Variants in VWA8 observed in about 807,000 individuals in gnomAD.
VWA8 encodes von Willebrand factor A domain-containing protein 8.
Under a neutral mutation model 241.5 loss-of-function variants are expected in VWA8, and 221 were observed. That is an observed-to-expected ratio of 0.91 (90% CI 0.82 to 1.02). The LOEUF (loss-of-function observed/expected upper bound fraction) is 1.02, where lower values mean the gene tolerates loss of function less well. Ranked by LOEUF, VWA8 falls within the 50% of genes least tolerant of loss-of-function variation. VWA8 has a pLI of 0.00. For missense variants in VWA8, 2,322 were observed against 2,328.7 expected (o/e 1.00, Z 0.06); for synonymous variants, 852 against 827.1 (o/e 1.03, Z -0.52).
At chr13:41,934,512 G>A (rs1235388775) in intron 2 of VWA8, among the ~76,000 whole-genome samples, 1 of 151,980 alleles carries the variant, frequency 6.6e-6, no homozygotes, top group Non-Finnish European at 1.5e-5. Context: ...GTTGAGAGCA[G>A]CTTTATTTCT....
chr13:41,615,560 A>C (rs2044615745), intron 37 of VWA8, among the ~76,000 whole-genome samples: 1 of 151,852 alleles, frequency 6.6e-6, no homozygotes, highest in African/African-American at 2.4e-5. Flanking sequence ...TAATATATGG[A>C]AAAGAAAAAC....
intron 21 of VWA8, among the ~76,000 whole-genome samples, chr13:41,754,817 T>C (rs1264148243): frequency 6.6e-6 from 1 of 152,132 alleles, no homozygotes; most frequent in Non-Finnish European, 1.5e-5. Context: ...TTCAATTGTT[T>C]TAATTTTTAG....
chr13:41,609,218 G>C (rs1326459798), intron 39 of VWA8, among the ~76,000 whole-genome samples: 3 of 152,156 alleles, frequency 2.0e-5, no homozygotes, highest in Admixed American at 6.6e-5. Flanking sequence ...TAACGGGAAA[G>C]AGTGATAAGA....
At chr13:41,576,122 A>G (rs9594579) in intron 42 of VWA8, among the ~76,000 whole-genome samples, 13,717 of 152,244 alleles carry the variant, frequency 0.09, 1,285 homozygotes, top group African/African-American at 0.24. Flanking sequence ...GGGGTGAGGT[A>G]GTTCCCTCCA....
At chr13:41,795,197 A>G (rs1593777451) in intron 17 of VWA8, among the ~76,000 whole-genome samples, 1 of 152,258 alleles carries the variant, frequency 6.6e-6, no homozygotes, top group East Asian at 1.9e-4. Flanking sequence ...CATGAAAAAA[A>G]GCTCAACATC....
chr13:41,825,275 A>C (rs934766767), intron 14 of VWA8, among the ~76,000 whole-genome samples: 7 of 152,208 alleles, frequency 4.6e-5, no homozygotes, highest in Non-Finnish European at 1.0e-4. Context: ...TATACTCGCC[A>C]AATCAGTTAT....
intron 42 of VWA8, among the ~76,000 whole-genome samples, chr13:41,577,507 C>A (rs1409155955): frequency 6.6e-6 from 1 of 152,182 alleles, no homozygotes; most frequent in South Asian, 2.1e-4. Context: ...TGACTAAAGT[C>A]ATCCATGGGT....
chr13:41,825,897 T>C (rs1285339484), intron 14 of VWA8, among the ~76,000 whole-genome samples: 3 of 152,208 alleles, frequency 2.0e-5, no homozygotes, highest in Non-Finnish European at 2.9e-5. Context: ...ATGGGTCATA[T>C]TACTTATAAG....
chr13:41,953,310 C>T (rs935932236), intron 1 of VWA8, among the ~76,000 whole-genome samples: 1 of 152,180 alleles, frequency 6.6e-6, no homozygotes, highest in Admixed American at 6.5e-5. Context: ...CAACAGAATG[C>T]ATATTCTATT....
At chr13:41,587,418 T>A in intron 42 of VWA8, 94 bp downstream of exon 42, 2 of 1,522,492 alleles carry the variant, frequency 1.3e-6, no homozygotes, top group Non-Finnish European at 1.8e-6. Flanking sequence ...GGTGAGAGGA[T>A]GAAGATTTTC....
At chr13:41,719,299 G>A in intron 26 of VWA8, 1 of 1,142,812 alleles carries the variant, frequency 8.8e-7, no homozygotes, top group Non-Finnish European at 1.1e-6. Flanking sequence ...ATACGAAATA[G>A]TAATACGCAT....
intron 20 of VWA8, among the ~76,000 whole-genome samples, chr13:41,768,121 C>A (rs915132709): frequency 6.6e-6 from 1 of 152,238 alleles, no homozygotes; most frequent in African/African-American, 2.4e-5. Flanking sequence ...ACAAGTATTT[C>A]ATAGCCTTGG....
At chr13:41,887,452 G>A in intron 5 of VWA8, 91 bp from the exon 6 acceptor site, 1 of 1,377,834 alleles carries the variant, frequency 7.3e-7, no homozygotes, top group East Asian at 2.4e-5. Flanking sequence ...GGACTTGACT[G>A]TTGAGAAAAC....
At chr13:41,724,145 T>C (rs1390158924) in intron 24 of VWA8, among the ~76,000 whole-genome samples, 2 of 152,198 alleles carry the variant, frequency 1.3e-5, no homozygotes, top group Non-Finnish European at 2.9e-5. Flanking sequence ...AATCAACCAC[T>C]GGATTTAGCA....
chr13:41,876,250 C>A (rs966924692), intron 9 of VWA8, among the ~76,000 whole-genome samples: 1 of 152,058 alleles, frequency 6.6e-6, no homozygotes, highest in East Asian at 1.9e-4. Context: ...ATCACTCATA[C>A]AACACATTCC....
chr13:41,856,664 T>C (rs965707122), intron 12 of VWA8, among the ~76,000 whole-genome samples: 2 of 151,598 alleles, frequency 1.3e-5, no homozygotes, highest in African/African-American at 4.8e-5. Flanking sequence ...CTACCAAAAA[T>C]ACAAAAAAAA....
chr13:41,661,310 T>TGC (rs1421368101), intron 37 of VWA8, among the ~76,000 whole-genome samples: 4 of 152,208 alleles, frequency 2.6e-5, no homozygotes, highest in Non-Finnish European at 5.9e-5. Context: ...TAGAGACAAA[T>TGC]GCCAAGCTTT....
intron 2 of VWA8, among the ~76,000 whole-genome samples, chr13:41,918,815 C>T (rs919215112): frequency 6.6e-6 from 1 of 151,932 alleles, no homozygotes; most frequent in African/African-American, 2.4e-5. Context: ...TTAAATGATA[C>T]ACATATACAT....
At chr13:41,590,509 T>C in intron 41 of VWA8, 131 bp downstream of exon 41, 1 of 1,006,660 alleles carries the variant, frequency 9.9e-7, no homozygotes, top group Non-Finnish European at 1.4e-6. Flanking sequence ...TTTTTTTTTT[T>C]TTTTAACATA....
Sources: allele counts gnomAD v4.1 joint callset (sites outside exome capture counted in the v4.1 genomes callset), GRCh38; gene constraint gnomAD v4.1.1; transcripts MANE v1.5; gene names NCBI Gene and HGNC (gene_info 2026-07-23, HGNC 2026-07-21).